TIPARP: variants seen among roughly 807,000 people sequenced by gnomAD.
TIPARP encodes the protein protein mono-ADP-ribosyltransferase TIPARP.
TIPARP carries 12 observed loss-of-function variants against 56.5 expected under a neutral mutation model. The ratio of observed to expected loss-of-function variants is 0.21; its 90% CI spans 0.14 to 0.34. TIPARP has a LOEUF of 0.34. Ranked by LOEUF, TIPARP falls within the 10% of genes least tolerant of loss-of-function variation. The pLI is 1.00. For missense variants in TIPARP, 604 were observed against 781.6 expected, an observed-to-expected ratio of 0.77 and a Z score of 2.71; for synonymous variants, 296 against 265.7, an observed-to-expected ratio of 1.11 and a Z score of -1.11.
rs1278786503 is a variant in TIPARP at position 156,696,013 on chromosome 3, T to A, written c.1235T>A (p.Leu412His). Residue 412 changes from leucine to histidine, a missense_variant, in exon 4 of 6, where the codon CTT becomes CAT. This residue lies in a region of TIPARP where 252 missense variants were observed against 303.9 expected (regional missense o/e 0.83). Coordinates refer to ENST00000295924, the MANE Select transcript of TIPARP (RefSeq NM_015508.5). ...RPLFRSCFIL[L>H]PYLQTLGGVP... ...CTCTTCCGCTCCTGTTTTATACTGC[T>A]TCCATATTTACAGTAAGTGTCGAGT... 1 of 1,607,560 alleles carries A rather than the reference T, an allele frequency of 6.2e-7. No homozygotes were observed.
chr3:156,691,880 G>T (rs554029043), intron 2 of TIPARP, among the ~76,000 whole-genome samples: 1 of 152,094 alleles, frequency 6.6e-6, no homozygotes, highest in South Asian at 2.1e-4. Context: ...AGGATTTGTC[G>T]TAGAAACTTC....
intron 2 of TIPARP, among the ~76,000 whole-genome samples, chr3:156,681,702 A>T (rs985226381): frequency 6.6e-6 from 1 of 152,212 alleles, no homozygotes; most frequent in African/African-American, 2.4e-5. Context: ...GGATTTCAAT[A>T]ATACATGCTT....
chr3:156,690,788 G>T (rs1722553880), intron 2 of TIPARP, among the ~76,000 whole-genome samples: 2 of 151,990 alleles, frequency 1.3e-5, no homozygotes, highest in South Asian at 4.1e-4. Flanking sequence ...TTTTTTGGCT[G>T]TCCCTCAGTA....
chr3:156,676,668 A>G (rs994467574), intron 1 of TIPARP: 1 of 152,104 alleles, frequency 6.6e-6, no homozygotes, highest in Admixed American at 6.5e-5. Flanking sequence ...GCTCATCACC[A>G]TTCCTTTCTC....
At chr3:156,685,288 C>G (rs185482003) in intron 2 of TIPARP, among the ~76,000 whole-genome samples, 85 of 152,348 alleles carry the variant, frequency 5.6e-4, no homozygotes, top group African/African-American at 1.9e-3. Flanking sequence ...GGATCTTTCT[C>G]TGCTCTATGC....
In TIPARP at chr3:156,695,852, T is replaced by TTTTTTTTTTTA; in HGVS notation, c.1087-12_1087-11insTTTTTTTTTAT. On this transcript the variant is annotated splice_polypyrimidine_tract_variant and intron_variant, in intron 3 of 5. Coordinates refer to ENST00000295924, the MANE Select transcript of TIPARP (RefSeq NM_015508.5). Reference sequence around the variant, plus strand: ...TTTTTTTTTTTTTTTTTGTTCTGTTTTCTCCTCCATAGTCTGTCATTCGAT... The same window carrying TTTTTTTTTTTA: ...TTTTTTTTTTTTTTTTTGTTCTGTTTTTTTTTTTTTATCTCCTCCATAGTCTGTCATTCGAT... 1 of 1,501,414 alleles carries TTTTTTTTTTTA rather than the reference T, an allele frequency of 6.7e-7. No individual in the cohort carries two copies. Among genetic ancestry groups the TTTTTTTTTTTA allele is most frequent in the Non-Finnish European group, 8.8e-7 (1 of 1,130,998 alleles). The allele number at this position is 1,501,414 out of a possible 1,614,324, so 93.0% of individuals were successfully genotyped here.
rs1722958605 is a variant in TIPARP at position 156,705,547 on chromosome 3, A to G, written c.*416A>G. The G allele has an allele frequency of 6.2e-6, 1 of 160,892 alleles. No individual in the cohort carries two copies. The highest frequency in any genetic ancestry group is 1.4e-5 in the Non-Finnish European group (1 of 73,006). 10.0% of individuals were successfully genotyped at this position (160,892 alleles called of 1,614,324 possible). The stretch of plus-strand genomic sequence containing the variant: ...TATTTATTTATTTACGTTTGATAAA[A>G]CTTACTGGAACTAGTACTACCATGC... On this transcript the variant is annotated 3_prime_UTR_variant, in exon 6 of 6. Transcript: ENST00000295924.
intron 2 of TIPARP, among the ~76,000 whole-genome samples, chr3:156,681,700 A>G (rs1455787173): frequency 1.3e-5 from 2 of 152,198 alleles, no homozygotes; most frequent in East Asian, 3.8e-4. Flanking sequence ...AAGGATTTCA[A>G]TAATACATGC....
chr3:156,705,378 T>G lies in TIPARP; in HGVS notation c.*247T>G. ...GTGGAAAAGACTACAGATTACACAC[T>G]CTTTTCATTCACACTTGTACATATA... On this transcript the variant is annotated 3_prime_UTR_variant, in exon 6 of 6. Transcript: ENST00000295924. 2.8e-6 allele frequency: 1 copy of G among 359,786 alleles called. No individual in the cohort carries two copies. The highest frequency in any genetic ancestry group is 5.0e-6 in the Non-Finnish European group (1 of 198,284). The allele number at this position is 359,786 out of a possible 1,614,324, so 22.3% of individuals were successfully genotyped here. A position where few individuals can be genotyped will look rare whatever the true frequency, so the allele number is the denominator to read the frequency against.
chr3:156,696,049 A>AAT (rs748244387), intron 4 of TIPARP, 24 bp downstream of exon 4: 1 of 1,596,728 alleles, frequency 6.3e-7, no homozygotes, highest in South Asian at 1.1e-5. Flanking sequence ...ATGAAGTTGC[A>AAT]ATATTTACTC....
chr3:156,681,790 A>G (rs1293847313), intron 2 of TIPARP, among the ~76,000 whole-genome samples: 2 of 152,150 alleles, frequency 1.3e-5, no homozygotes, highest in East Asian at 1.9e-4. Context: ...ACAAACGTTC[A>G]TTGCCAACAT....
Position 156,696,039 on chromosome 3 carries a change from A to C in TIPARP, c.1247+14A>C, listed in dbSNP as rs376739234. 6 of 1,599,292 alleles carry C rather than the reference A, an allele frequency of 3.8e-6. No individual in the cohort carries two copies. The highest frequency in any genetic ancestry group is 5.1e-6 in the Non-Finnish European group (6 of 1,175,920). ...TCCATATTTACAGTAAGTGTCGAGT[A>C]TGAAGTTGCAATATTTACTCTCATT... On this transcript the variant is annotated intron_variant, in intron 4 of 5. Coordinates refer to ENST00000295924, the MANE Select transcript of TIPARP (RefSeq NM_015508.5).
At chr3:156,675,272 T>G (rs1168446752) in intron 1 of TIPARP, 3 of 152,258 alleles carry the variant, frequency 2.0e-5, no homozygotes, top group Non-Finnish European at 2.9e-5. Flanking sequence ...ACATTAACTT[T>G]GAGAGCGCAC....
In TIPARP at chr3:156,704,678, C is replaced by T; in HGVS notation, c.1527-6C>T. The T allele has an allele frequency of 6.2e-7, 1 of 1,606,656 alleles. No homozygotes were observed. The highest frequency in any genetic ancestry group is 8.5e-7 in the Non-Finnish European group (1 of 1,175,788). Reference sequence around the variant, plus strand: ...TTCTGAATTCTCTGTCTGTTCTTTCCATTAGGAAAAAGGAATATATGAACA... The same window carrying T: ...TTCTGAATTCTCTGTCTGTTCTTTCTATTAGGAAAAAGGAATATATGAACA... On this transcript the variant is annotated splice_region_variant and splice_polypyrimidine_tract_variant and intron_variant, in intron 5 of 5. Coordinates refer to ENST00000295924, the MANE Select transcript of TIPARP (RefSeq NM_015508.5).
rs771093974 is a variant in TIPARP, at chr3:156,678,576, C to T, written c.879C>T (p.Tyr293=). The part of the protein sequence containing the change: ...NDSQEHLERF[Y]CNPENDRMRM... ...CTCAGGAGCACTTGGAAAGATTTTA[C>T]TGTAACCCAGAAAATGATAGAATGA... The change falls in exon 2 of 6, where the codon TAC becomes TAT. Residue 293 remains tyrosine (Y), a synonymous_variant. Transcript: ENST00000295924. 1 of 1,613,960 alleles carries T rather than the reference C, an allele frequency of 6.2e-7. No homozygotes were observed. The highest frequency in any genetic ancestry group is 1.7e-5 in the Admixed American group (1 of 60,004).
At chr3:156,702,558 A>G (rs897723168) in intron 4 of TIPARP, among the ~76,000 whole-genome samples, 3 of 152,190 alleles carry the variant, frequency 2.0e-5, no homozygotes, top group Non-Finnish European at 4.4e-5. Context: ...TGTGACCAGT[A>G]TGTGCCAATG....
chr3:156,685,081 C>G (rs955969469), intron 2 of TIPARP, among the ~76,000 whole-genome samples: 1 of 152,150 alleles, frequency 6.6e-6, no homozygotes, highest in Non-Finnish European at 1.5e-5. Flanking sequence ...CAGACTTGAG[C>G]TAAATATAAT....
chr3:156,703,387 A>C, intron 4 of TIPARP, 37 bp from the exon 5 acceptor site: 1 of 1,601,030 alleles, frequency 6.2e-7, no homozygotes, highest in Middle Eastern at 1.7e-4. Context: ...CTTATTTCTT[A>C]ATGTTTTACA....
At position 156,694,135 on chromosome 3, in the gene TIPARP, A is replaced by G; in HGVS notation, c.1033A>G (p.Thr345Ala). The change falls in exon 3 of 6, where the codon ACA becomes GCA. Residue 345 changes from threonine (T) to alanine (A), a missense_variant. Physicochemically the swap from Thr to Ala is moderately conservative, Grantham distance 58 (BLOSUM62 0). Around this residue, in one of 4 missense-constraint regions of TIPARP, gnomAD observed 252 missense variants for 303.9 expected, o/e 0.83. Coordinates refer to ENST00000295924, the MANE Select transcript of TIPARP (RefSeq NM_015508.5). ...PSSNVNSIYHTVWKFFCRDHF... is the reference protein window; with the variant it reads ...PSSNVNSIYHAVWKFFCRDHF... ...TAGCAATGTCAACTCTATTTACCACACAGTCTGGAAATTCTTCTGTAGGGA... is the reference window on the plus strand; with the variant it reads ...TAGCAATGTCAACTCTATTTACCACGCAGTCTGGAAATTCTTCTGTAGGGA... The G allele has an allele frequency of 6.2e-7, 1 of 1,612,970 alleles. No individual in the cohort carries two copies. The highest frequency in any genetic ancestry group is 1.3e-5 in the African/African-American group (1 of 74,960).
Sources: gnomAD v4.1 joint callset for allele counts (sites outside exome capture counted in the v4.1 genomes callset) on GRCh38, gnomAD v4.1.1 for gene constraint, gnomAD v4.1.1 regional missense constraint, MANE v1.5 for transcripts, NCBI Gene and HGNC (gene_info 2026-07-23, HGNC 2026-07-21) for gene names.